Variants in PBX1 observed in about 807,000 individuals in gnomAD.
PBX1 encodes the protein PBX homeobox 1, also known as pre-B-cell leukemia transcription factor 1.
In PBX1, 6 loss-of-function variants were observed where a neutral mutation model predicts 53.4. The ratio of observed to expected loss-of-function variants is 0.11; its 90% CI spans 0.06 to 0.22. The LOEUF is 0.22. Among genes scored for constraint, PBX1 ranks in the 10% least tolerant of loss-of-function variants. The pLI is 1.00. For synonymous variants in PBX1, 204 were observed against 212.3 expected (o/e 0.96, Z 0.34); for missense variants, 251 against 551.4 (o/e 0.46, Z 5.46).
chr1:164,779,107 T>C (rs1667812665), intron 2 of PBX1, among the ~76,000 whole-genome samples: 1 of 150,954 alleles, frequency 6.6e-6, no homozygotes, highest in African/African-American at 2.4e-5. Context: ...GCAGTGGCGC[T>C]ATCTCGGCTC....
At chr1:164,873,313 G>A (rs1166567452) in intron 2 of PBX1, among the ~76,000 whole-genome samples, 1 of 152,212 alleles carries the variant, frequency 6.6e-6, no homozygotes, top group Non-Finnish European at 1.5e-5. Flanking sequence ...TGCTTGGCAT[G>A]TTACTTTCAT....
intron 2 of PBX1, among the ~76,000 whole-genome samples, chr1:164,582,220 C>G (rs1162370359): frequency 6.6e-6 from 1 of 152,146 alleles, no homozygotes; most frequent in Non-Finnish European, 1.5e-5. Flanking sequence ...TTGGGTCAAA[C>G]TAGTCTAGGA....
intron 2 of PBX1, among the ~76,000 whole-genome samples, chr1:164,762,698 C>T (rs568015691): frequency 2.0e-5 from 3 of 152,096 alleles, no homozygotes; most frequent in African/African-American, 7.2e-5. Context: ...GCTATTATTC[C>T]ATATTTTTCA....
At chr1:164,598,099 C>T (rs1026864845) in intron 2 of PBX1, among the ~76,000 whole-genome samples, 1 of 152,132 alleles carries the variant, frequency 6.6e-6, no homozygotes, top group Non-Finnish European at 1.5e-5. Context: ...GAGAGCCAGA[C>T]TGCTTGCTTT....
chr1:164,709,115 G>T (rs7526403), intron 2 of PBX1, among the ~76,000 whole-genome samples: 8,257 of 152,240 alleles, frequency 0.054, 303 homozygotes, highest in East Asian at 0.13. Flanking sequence ...TAATGTCAGT[G>T]ACGTGGCAGA....
chr1:164,603,237 CT>C lies in PBX1; in HGVS notation c.265+39927del. Among the ~76,000 whole-genome samples the C allele has an allele frequency of 2.0e-5, 3 of 151,236 alleles. No homozygotes were observed. The Middle Eastern group carries it at 0.01, about 514-fold the overall frequency. On this transcript the variant is annotated intron_variant, in intron 2 of 8. Coordinates refer to ENST00000420696, the MANE Select transcript of PBX1 (RefSeq NM_002585.4). ...TATTTTTTTCTGCTTTTCCTTTTATCTCTTTGTGTTTGCTTCATTTCTTTCT... is the reference window on the plus strand; with the variant it reads ...TATTTTTTTCTGCTTTTCCTTTTATCCTTTGTGTTTGCTTCATTTCTTTCT...
intron 2 of PBX1, among the ~76,000 whole-genome samples, chr1:164,861,283 A>G (rs755582025): frequency 6.6e-6 from 1 of 152,180 alleles, no homozygotes; most frequent in Non-Finnish European, 1.5e-5. Flanking sequence ...ACAAACTTCC[A>G]TGGCGTGCCC....
chr1:164,716,175 A>G (rs1664070013), intron 2 of PBX1, among the ~76,000 whole-genome samples: 1 of 152,186 alleles, frequency 6.6e-6, no homozygotes, highest in Non-Finnish European at 1.5e-5. Flanking sequence ...ACTGCCAAGT[A>G]GTGTTTTTAT....
At chr1:164,647,509 G>C (rs1359369680) in intron 2 of PBX1, among the ~76,000 whole-genome samples, 2 of 152,044 alleles carry the variant, frequency 1.3e-5, no homozygotes, top group African/African-American at 4.8e-5. Context: ...TGACCCCCTG[G>C]GCCCCTCCCA....
chr1:164,883,779 T>C (rs1672715222), intron 2 of PBX1, among the ~76,000 whole-genome samples: 1 of 152,206 alleles, frequency 6.6e-6, no homozygotes, highest in South Asian at 2.1e-4. Flanking sequence ...TCTCAGCTAC[T>C]CAGAAACAAG....
At chr1:164,764,907 T>G (rs1037741504) in intron 2 of PBX1, among the ~76,000 whole-genome samples, 1 of 152,222 alleles carries the variant, frequency 6.6e-6, no homozygotes, top group Non-Finnish European at 1.5e-5. Flanking sequence ...GATAATATTC[T>G]TCTAATTTAA....
intron 2 of PBX1, among the ~76,000 whole-genome samples, chr1:164,637,828 G>A (rs1157650390): frequency 6.6e-6 from 1 of 152,168 alleles, no homozygotes; most frequent in Non-Finnish European, 1.5e-5. Flanking sequence ...AGGTATGGGG[G>A]CAGACAGAAC....
chr1:164,820,023 T>G, intron 6 of PBX1, 49 bp from the exon 7 acceptor site: 1 of 1,173,074 alleles, frequency 8.5e-7, no homozygotes, highest in Non-Finnish European at 1.3e-6. Context: ...TTGCGGGGTT[T>G]GAGCCTTTTC....
intron 2 of PBX1, among the ~76,000 whole-genome samples, chr1:164,744,393 A>T (rs1665783062): frequency 6.6e-6 from 1 of 152,222 alleles, no homozygotes; most frequent in Admixed American, 6.5e-5. Flanking sequence ...AATGTCTTAG[A>T]TACGTCTAAT....
At chr1:164,719,756 A>G (rs1664301605) in intron 2 of PBX1, among the ~76,000 whole-genome samples, 1 of 152,166 alleles carries the variant, frequency 6.6e-6, no homozygotes, top group Admixed American at 6.5e-5. Flanking sequence ...GGCACTGGAA[A>G]GCACATGGGG....
chr1:164,740,981 A>G (rs1279931645), intron 2 of PBX1, among the ~76,000 whole-genome samples: 1 of 152,150 alleles, frequency 6.6e-6, no homozygotes, highest in Non-Finnish European at 1.5e-5. Flanking sequence ...AAATATGAAA[A>G]TCTTACAAGA....
chr1:164,832,817 AC>A lies in PBX1; in HGVS notation c.1200+11192del, dbSNP rs370105947. Among the ~76,000 whole-genome samples, 38 of 152,268 alleles carry A rather than the reference AC, an allele frequency of 2.5e-4. No individual in the cohort carries two copies. In the East Asian group the frequency reaches 6.8e-3, roughly 27 times the overall value. ...AATGAAGGTTAAAAGCAATTAAGAT[AC>A]ACGGGTACTGAAGAGAATAATAAAA... On this transcript the variant is annotated intron_variant, in intron 8 of 8. Transcript: ENST00000420696.
chr1:164,588,473 C>CTTTTTTTTTT lies in PBX1; in HGVS notation c.265+25180_265+25189dup, dbSNP rs371768861. Among the ~76,000 whole-genome samples the CTTTTTTTTTT allele has an allele frequency of 6.4e-4, 47 of 73,078 alleles. 7 individuals carry two copies. The East Asian group carries it at 0.015, about 24-fold the overall frequency. The allele number at this position is 73,078 out of a possible 152,430, so 47.9% of individuals were successfully genotyped here. On this transcript the variant is annotated intron_variant, in intron 2 of 8. Coordinates refer to ENST00000420696, the MANE Select transcript of PBX1 (RefSeq NM_002585.4). The stretch of plus-strand genomic sequence containing the variant: ...AAAGAGAAATACACTCCGGACTAAG[C>CTTTTTTTTTT]TTTTTTTTTTTTTTTTTTTTTTTTT...
chr1:164,593,018 C>T (rs189778783), intron 2 of PBX1, among the ~76,000 whole-genome samples: 4 of 151,736 alleles, frequency 2.6e-5, no homozygotes, highest in African/African-American at 4.8e-5. Flanking sequence ...AGTGCAGTGC[C>T]GTGATCTTGG....
Sources: gnomAD v4.1 joint callset for allele counts (sites outside exome capture counted in the v4.1 genomes callset) on GRCh38, gnomAD v4.1.1 for gene constraint, MANE v1.5 for transcripts, NCBI Gene and HGNC (gene_info 2026-07-23, HGNC 2026-07-21) for gene names.